The following ABI2 variants were observed in gnomAD, a reference collection of about 807,000 sequenced individuals.
The protein encoded by ABI2 is abl interactor 2.
In ABI2, 25 loss-of-function variants were observed where a neutral mutation model predicts 59.2. That is an observed-to-expected ratio of 0.42 (90% CI 0.31 to 0.59). ABI2 has a LOEUF of 0.59. Ranked by LOEUF, ABI2 falls within the 20% of genes least tolerant of loss-of-function variation. ABI2 has a pLI of 0.14. For missense variants in ABI2, 545 were observed against 681.8 expected (o/e 0.80, Z 2.23); for synonymous variants, 213 against 235.5 (o/e 0.90, Z 0.87).
chr2:203,425,316 C>A (rs2098395976), intron 11 of ABI2, among the ~76,000 whole-genome samples: 1 of 151,968 alleles, frequency 6.6e-6, no homozygotes, highest in African/African-American at 2.4e-5. Flanking sequence ...GATTCTCTTG[C>A]CTCAGCCTCC....
intron 9 of ABI2, among the ~76,000 whole-genome samples, chr2:203,406,498 A>T (rs1488078704): frequency 1.3e-5 from 2 of 152,172 alleles, no homozygotes; most frequent in Non-Finnish European, 2.9e-5. Flanking sequence ...AAAAGCGACT[A>T]AAAAAATAGG....
In ABI2 at chr2:203,392,544, G is replaced by A. The variant is rs190390934; in HGVS notation, c.578+1401G>A. 4.4e-4 allele frequency among the ~76,000 whole-genome samples: 67 copies of A among 152,286 alleles called. 1 individual carries two copies. The highest frequency in any genetic ancestry group is 6.9e-4 in the Non-Finnish European group (47 of 68,026). ...CAAAATAATTCTGCTTAGAGAGAGA[G>A]AAAATCTAGTGGATCAAACAAGATT... On this transcript the variant is annotated intron_variant, in intron 5 of 11. Transcript: ENST00000261018.
At chr2:203,415,423 C>T (rs1197495728) in intron 10 of ABI2, among the ~76,000 whole-genome samples, 1 of 151,940 alleles carries the variant, frequency 6.6e-6, no homozygotes, top group Non-Finnish European at 1.5e-5. Flanking sequence ...CTAGACGATC[C>T]TGGCTAACAC....
chr2:203,416,529 C>T (rs1030718716), intron 10 of ABI2, among the ~76,000 whole-genome samples: 3 of 152,176 alleles, frequency 2.0e-5, no homozygotes, highest in African/African-American at 7.2e-5. Flanking sequence ...CTTCTGACCT[C>T]AGGTGATCCG....
intron 8 of ABI2, among the ~76,000 whole-genome samples, chr2:203,400,713 T>A (rs1559337499): frequency 1.3e-5 from 2 of 152,234 alleles, no homozygotes; most frequent in African/African-American, 2.4e-5. Flanking sequence ...TCCATATGAA[T>A]CTAAGCTTGG....
intron 1 of ABI2, among the ~76,000 whole-genome samples, chr2:203,344,920 C>G (rs1415686850): frequency 6.6e-6 from 1 of 151,778 alleles, no homozygotes; most frequent in Non-Finnish European, 1.5e-5. Flanking sequence ...CCAATCAGCG[C>G]TCTGTAAAAT....
intron 9 of ABI2, among the ~76,000 whole-genome samples, chr2:203,404,017 T>G (rs1489925852): frequency 6.6e-6 from 1 of 151,978 alleles, no homozygotes; most frequent in Non-Finnish European, 1.5e-5. Flanking sequence ...CCTCCCAAAG[T>G]GCTGGGATTA....
chr2:203,373,438 C>G (rs1287243859), intron 2 of ABI2, among the ~76,000 whole-genome samples: 3 of 151,996 alleles, frequency 2.0e-5, no homozygotes, highest in South Asian at 2.1e-4. Flanking sequence ...TGCTCGGCAT[C>G]AGAGGGAGAC....
chr2:203,405,345 A>G (rs2097379007), intron 9 of ABI2, among the ~76,000 whole-genome samples: 1 of 152,158 alleles, frequency 6.6e-6, no homozygotes, highest in Admixed American at 6.5e-5. Context: ...TTTGTGAATC[A>G]GTGTTCTAAG....
intron 1 of ABI2, among the ~76,000 whole-genome samples, chr2:203,332,158 C>G (rs992646253): frequency 6.6e-6 from 1 of 151,968 alleles, no homozygotes; most frequent in Non-Finnish European, 1.5e-5. Flanking sequence ...ATTATTCTAA[C>G]CTCTAGAAAA....
chr2:203,416,889 C>A lies in ABI2; in HGVS notation c.1280-19C>A. The A allele has an allele frequency of 6.3e-7, 1 of 1,594,406 alleles. No individual in the cohort carries two copies. Among genetic ancestry groups the A allele is most frequent in the South Asian group, 1.1e-5 (1 of 88,264 alleles). On this transcript the variant is annotated intron_variant, in intron 10 of 11. Transcript: ENST00000261018. ...TTTGCATAACATATAGTTTTGTTGT[C>A]AGCCTGATACGTTCTTAGTTTCAGA...
At chr2:203,410,144 T>C (rs2097597331) in intron 9 of ABI2, among the ~76,000 whole-genome samples, 1 of 152,206 alleles carries the variant, frequency 6.6e-6, no homozygotes, top group African/African-American at 2.4e-5. Flanking sequence ...TTCAAGTCCC[T>C]GCTGAGAGGT....
intron 1 of ABI2, among the ~76,000 whole-genome samples, chr2:203,347,146 A>G (rs1364410649): frequency 1.3e-5 from 2 of 152,186 alleles, no homozygotes; most frequent in Admixed American, 6.5e-5. Context: ...GAGCCATTGC[A>G]TGTCCTAACA....
intron 4 of ABI2, among the ~76,000 whole-genome samples, chr2:203,385,372 C>A (rs921516989): frequency 6.6e-6 from 1 of 151,950 alleles, no homozygotes; most frequent in African/African-American, 2.4e-5. Flanking sequence ...ATCTCGTGAT[C>A]TGCCCGCCTC....
At chr2:203,394,972 A>C in intron 6 of ABI2, 126 bp downstream of exon 6, 12 of 1,056,542 alleles carry the variant, frequency 1.1e-5, no homozygotes, top group East Asian at 2.5e-5. Flanking sequence ...CCCAAACCTC[A>C]TCTGATTTCA....
intron 11 of ABI2, among the ~76,000 whole-genome samples, chr2:203,420,840 G>T (rs1170260640): frequency 2.0e-5 from 3 of 151,764 alleles, no homozygotes; most frequent in African/African-American, 7.3e-5. Flanking sequence ...TTGGTGCCTT[G>T]AATGATGAAT....
chr2:203,375,985 T>C lies in ABI2; in HGVS notation c.286-4223T>C, dbSNP rs530194989. 132 of 1,198,998 alleles carry C rather than the reference T, an allele frequency of 1.1e-4. No individual in the cohort carries two copies. The East Asian group carries it at 3.0e-3, about 27-fold the overall frequency. 74.3% of individuals were successfully genotyped at this position (1,198,998 alleles called of 1,614,324 possible). ...AGTATGATGGCAAGAATGCAAATTA[T>C]ACCGTTGTTAGATTACCTTTATTAT... On this transcript the variant is annotated intron_variant, in intron 2 of 11. Transcript: ENST00000261018.
At chr2:203,403,292 AATT>A (rs1387487383) in intron 9 of ABI2, 1 of 153,944 alleles carries the variant, frequency 6.5e-6, no homozygotes, top group Non-Finnish European at 1.5e-5. Flanking sequence ...CATATTTAAT[AATT>A]ATTATTTTGT....
chr2:203,349,441 G>C (rs2086170412), intron 1 of ABI2, among the ~76,000 whole-genome samples: 1 of 151,470 alleles, frequency 6.6e-6, no homozygotes, highest in South Asian at 2.1e-4. Flanking sequence ...TTTTGCTCTT[G>C]TTGCCCAGGC....
Sources: allele counts gnomAD v4.1 joint callset (sites outside exome capture counted in the v4.1 genomes callset), GRCh38; gene constraint gnomAD v4.1.1; transcripts MANE v1.5; gene names NCBI Gene and HGNC (gene_info 2026-07-23, HGNC 2026-07-21).